The following FRMD4B variants were observed in gnomAD, a reference collection of about 807,000 sequenced individuals.
FRMD4B encodes the protein FERM domain containing 4B, also known as FERM domain-containing protein 4B.
FRMD4B carries 74 observed loss-of-function variants against 141.5 expected under a neutral mutation model. That is an observed-to-expected ratio of 0.52 (90% CI 0.43 to 0.63). FRMD4B has a LOEUF of 0.63. Among genes scored for constraint, FRMD4B ranks in the 30% least tolerant of loss-of-function variants. The pLI is 0.00. For synonymous variants in FRMD4B, 506 were observed against 467.9 expected (o/e 1.08, Z -1.05); for missense variants, 1,366 against 1,253.4 (o/e 1.09, Z -1.36).
intron 11 of FRMD4B, among the ~76,000 whole-genome samples, chr3:69,205,988 A>T (rs2093021095): frequency 6.6e-6 from 1 of 152,172 alleles, no homozygotes; most frequent in Non-Finnish European, 1.5e-5. Context: ...CTAAAATCTC[A>T]TAAAAGTACC....
chr3:69,457,766 C>A lies in FRMD4B; in HGVS notation c.-128-25005G>T, dbSNP rs145178875. Reference sequence around the variant, plus strand: ...AAAAGAAGTTTTCTGGCTTAGTAGCCGACCCTTGCGCCCACAATCACATTT... The same window carrying A: ...AAAAGAAGTTTTCTGGCTTAGTAGCAGACCCTTGCGCCCACAATCACATTT... On this transcript the variant is annotated intron_variant, in intron 1 of 5. Transcript: ENST00000459638. Among the ~76,000 whole-genome samples, 18 of 152,276 alleles carry A rather than the reference C, an allele frequency of 1.2e-4. No individual in the cohort carries two copies. The East Asian group carries it at 3.3e-3, about 28-fold the overall frequency.
intron 7 of FRMD4B, among the ~76,000 whole-genome samples, chr3:69,229,850 T>G (rs145870417): frequency 0.031 from 4,638 of 151,956 alleles, 95 homozygotes; most frequent in East Asian, 0.11. Context: ...GGACTACAGG[T>G]GTACGCCACC....
At chr3:69,506,486 G>A (rs1235901182) in intron 1 of FRMD4B, among the ~76,000 whole-genome samples, 2 of 151,430 alleles carry the variant, frequency 1.3e-5, no homozygotes, top group Admixed American at 6.6e-5. Context: ...ATGTACTTAG[G>A]AAGTGTATTA....
intron 1 of FRMD4B, among the ~76,000 whole-genome samples, chr3:69,369,032 A>G (rs184519829): frequency 6.6e-6 from 1 of 152,378 alleles, no homozygotes; most frequent in East Asian, 1.9e-4. Context: ...AACTTCATCA[A>G]AATTAATAGT....
intron 7 of FRMD4B, among the ~76,000 whole-genome samples, chr3:69,229,790 C>G (rs1473686641): frequency 6.6e-6 from 1 of 152,100 alleles, no homozygotes; most frequent in East Asian, 1.9e-4. Flanking sequence ...TGGTCCTAAA[C>G]AAGGACCCGG....
At chr3:69,219,411 A>G (rs1445041168) in intron 9 of FRMD4B, among the ~76,000 whole-genome samples, 1 of 152,078 alleles carries the variant, frequency 6.6e-6, no homozygotes, top group African/African-American at 2.4e-5. Context: ...TTAAAAGTAA[A>G]TGGCCCGCAT....
rs67220182 is a variant in FRMD4B at position 69,245,317 on chromosome 3, TTGTGTG to T, written c.581+3903_581+3908del. ...GGTATTTTATTTTGCCTGACTTTCT[TTGTGTG>T]TGTGTGTGTGTGTGTGTGTGTGTGT... On this transcript the variant is annotated intron_variant, in intron 7 of 22. Coordinates refer to ENST00000398540, the MANE Select transcript of FRMD4B (RefSeq NM_015123.3). Among the ~76,000 whole-genome samples the T allele has an allele frequency of 9.4e-4, 134 of 142,968 alleles. 1 individual carries two copies. Among genetic ancestry groups the T allele is most frequent in the Middle Eastern group, 3.5e-3 (1 of 288 alleles). The allele number at this position is 142,968 out of a possible 152,430, so 93.8% of individuals were successfully genotyped here.
At chr3:69,404,182 C>T (rs574026032) in intron 2 of FRMD4B, among the ~76,000 whole-genome samples, 1 of 152,152 alleles carries the variant, frequency 6.6e-6, no homozygotes, top group Admixed American at 6.5e-5. Flanking sequence ...CAGGCCTGAA[C>T]CAATGTGCCT....
chr3:69,392,944 A>C (rs1046830698), intron 2 of FRMD4B, among the ~76,000 whole-genome samples: 1 of 152,006 alleles, frequency 6.6e-6, no homozygotes, highest in African/African-American at 2.4e-5. Flanking sequence ...GGCATCCTTC[A>C]GTGTTGGCCT....
intron 7 of FRMD4B, chr3:69,228,371 A>G (rs1229019911): frequency 2.2e-6 from 1 of 457,050 alleles, no homozygotes; most frequent in East Asian, 6.9e-5. Context: ...CAGGCATTAG[A>G]AAATCAACTG....
intron 1 of FRMD4B, chr3:69,334,054 G>T (rs527479623): frequency 6.6e-6 from 1 of 152,190 alleles, no homozygotes; most frequent in African/African-American, 2.4e-5. Flanking sequence ...GAAGTGTCTA[G>T]AGTGTGCTGG....
intron 3 of FRMD4B, among the ~76,000 whole-genome samples, chr3:69,304,730 T>C (rs989454243): frequency 6.6e-6 from 1 of 152,150 alleles, no homozygotes; most frequent in African/African-American, 2.4e-5. Flanking sequence ...TCCATCCATT[T>C]TAGGCTGTAA....
intron 11 of FRMD4B, among the ~76,000 whole-genome samples, chr3:69,203,782 A>C (rs2092995950): frequency 6.6e-6 from 1 of 152,192 alleles, no homozygotes; most frequent in Non-Finnish European, 1.5e-5. Context: ...GTAAGCAATA[A>C]AGTCAGCTGT....
intron 1 of FRMD4B, among the ~76,000 whole-genome samples, chr3:69,496,681 G>C (rs1706404433): frequency 6.7e-6 from 1 of 148,724 alleles, no homozygotes; most frequent in African/African-American, 2.5e-5. Context: ...GAGAGAGACA[G>C]GGAGATTAGG....
At chr3:69,531,563 G>C (rs1701008833) in intron 1 of FRMD4B, among the ~76,000 whole-genome samples, 1 of 152,210 alleles carries the variant, frequency 6.6e-6, no homozygotes, top group African/African-American at 2.4e-5. Context: ...ACATGGGGCG[G>C]AAAAAATGTT....
At chr3:69,297,363 G>A (rs1490537190) in intron 4 of FRMD4B, among the ~76,000 whole-genome samples, 3 of 152,114 alleles carry the variant, frequency 2.0e-5, no homozygotes, top group Non-Finnish European at 4.4e-5. Flanking sequence ...TCTCAGCCCT[G>A]AGTGTGGCAG....
At chr3:69,394,894 T>C (rs1200055248) in intron 2 of FRMD4B, among the ~76,000 whole-genome samples, 2 of 152,214 alleles carry the variant, frequency 1.3e-5, no homozygotes, top group East Asian at 3.9e-4. Flanking sequence ...AAGCCATCAT[T>C]CTCAGCAAAC....
intron 1 of FRMD4B, among the ~76,000 whole-genome samples, chr3:69,493,697 C>G (rs1456728138): frequency 6.6e-6 from 1 of 152,090 alleles, no homozygotes; most frequent in Admixed American, 6.6e-5. Context: ...CTCTCTCTCT[C>G]TCTCCATCTC....
chr3:69,431,831 G>C (rs1705184867), intron 2 of FRMD4B, among the ~76,000 whole-genome samples: 1 of 152,178 alleles, frequency 6.6e-6, no homozygotes, highest in Non-Finnish European at 1.5e-5. Context: ...GACATAAAAT[G>C]CTGTTCCTAA....
Sources: gnomAD v4.1 joint callset for allele counts (sites outside exome capture counted in the v4.1 genomes callset) on GRCh38, gnomAD v4.1.1 for gene constraint, MANE v1.5 for transcripts, NCBI Gene and HGNC (gene_info 2026-07-23, HGNC 2026-07-21) for gene names.